SGCD: variants seen among roughly 807,000 people sequenced by gnomAD.
SGCD encodes the protein sarcoglycan delta, also known as delta-sarcoglycan.
Under a neutral mutation model 36.6 loss-of-function variants are expected in SGCD, and 18 were observed. That is an observed-to-expected ratio of 0.49 (90% CI 0.34 to 0.73). The LOEUF is 0.73. SGCD is among the 30% of genes least tolerant of loss of function. SGCD has a pLI of 0.01. For missense variants in SGCD, 387 were observed against 346.7 expected, an observed-to-expected ratio of 1.12 and a Z score of -0.92; for synonymous variants, 133 against 130.6, an observed-to-expected ratio of 1.02 and a Z score of -0.12.
the SGCD span, among the ~76,000 whole-genome samples, chr5:155,740,257 C>T: frequency 2.0e-5 from 3 of 152,096 alleles, no homozygotes; most frequent in African/African-American, 7.2e-5. Context: ...AGCCAGCATG[C>T]CCTGCCTATT....
At chr5:156,289,779 G>T (rs1222467181) in intron 3 of SGCD, among the ~76,000 whole-genome samples, 1 of 151,932 alleles carries the variant, frequency 6.6e-6, no homozygotes, top group African/African-American at 2.4e-5. Context: ...CTAGTCTCCT[G>T]AGTAGCCAGG....
chr5:156,225,202 G>C lies in SGCD; in HGVS notation c.-44+101183G>C, dbSNP rs565376515. ...TTATTCCCTTGGTGTTTCAGAGTTA[G>C]GTGAACTTTAGTATCCAGTACAAGA... is the stretch of plus-strand genomic sequence containing the variant. On this transcript the variant is annotated intron_variant, in intron 3 of 9. Transcript: ENST00000517913. Among the ~76,000 whole-genome samples the C allele has an allele frequency of 2.3e-4, 35 of 152,120 alleles. No individual in the cohort carries two copies. The South Asian group carries it at 3.5e-3, about 15-fold the overall frequency.
chr5:156,504,184 A>G (rs1446861029), intron 3 of SGCD, among the ~76,000 whole-genome samples: 4 of 151,520 alleles, frequency 2.6e-5, no homozygotes, highest in South Asian at 2.1e-4. Flanking sequence ...AGCCTGGGTG[A>G]CAAGAGCAAA....
intron 1 of SGCD, among the ~76,000 whole-genome samples, chr5:155,918,040 C>A (rs1334951385): frequency 1.3e-5 from 2 of 152,130 alleles, no homozygotes; most frequent in Admixed American, 1.3e-4. Flanking sequence ...ATCTGCCATG[C>A]CTCGGGAAAT....
chr5:156,284,928 C>T (rs6879742), intron 3 of SGCD, among the ~76,000 whole-genome samples: 8,249 of 152,168 alleles, frequency 0.054, 675 homozygotes, highest in African/African-American at 0.17. Context: ...AAAACCCCAT[C>T]GTCTCAGCCC....
At chr5:156,175,118 AC>A (rs568714759) in intron 3 of SGCD, among the ~76,000 whole-genome samples, 430 of 152,310 alleles carry the variant, frequency 2.8e-3, no homozygotes, top group African/African-American at 9.7e-3. Flanking sequence ...TTCCAGTAAC[AC>A]CAACTTAATT....
intron 7 of SGCD, among the ~76,000 whole-genome samples, chr5:156,749,603 A>G (rs1170588337): frequency 6.6e-6 from 1 of 152,162 alleles, no homozygotes; most frequent in African/African-American, 2.4e-5. Context: ...TATTTTTAAA[A>G]ATCTTCTTTA....
intron 2 of SGCD, among the ~76,000 whole-genome samples, chr5:156,338,071 G>T (rs150212483): frequency 7.9e-5 from 12 of 152,294 alleles, no homozygotes; most frequent in African/African-American, 2.6e-4. Context: ...CCTTATGGTA[G>T]AGTTGATCAT....
intron 7 of SGCD, among the ~76,000 whole-genome samples, chr5:156,705,608 AATGGAG>A (rs1754708795): frequency 6.6e-6 from 1 of 152,128 alleles, no homozygotes; most frequent in Non-Finnish European, 1.5e-5. Context: ...TTGATCTGCA[AATGGAG>A]AGCCCTTTTG....
chr5:155,869,641 C>A (rs1755592387), upstream of SGCD, among the ~76,000 whole-genome samples: 1 of 106,948 alleles, frequency 9.4e-6, no homozygotes, highest in African/African-American at 5.5e-5. Context: ...CTTCCTTTGG[C>A]AGATTTTTTT....
At chr5:156,006,449 C>A (rs570852475) in intron 1 of SGCD, among the ~76,000 whole-genome samples, 22 of 152,272 alleles carry the variant, frequency 1.4e-4, no homozygotes, top group Admixed American at 1.3e-3. Context: ...AAGCTTGTTA[C>A]AAATGCGTTG....
At chr5:156,070,858 G>A (rs948190384) in intron 1 of SGCD, among the ~76,000 whole-genome samples, 3 of 152,136 alleles carry the variant, frequency 2.0e-5, no homozygotes, top group Admixed American at 6.5e-5. Context: ...GTTTAGTCTT[G>A]GGAGGGTGTA....
chr5:155,939,644 C>CAAA lies in SGCD; in HGVS notation c.-282+69233_-282+69235dup, dbSNP rs70981990. Among the ~76,000 whole-genome samples, 11 of 127,028 alleles carry CAAA rather than the reference C, an allele frequency of 8.7e-5. No individual in the cohort carries two copies. In the South Asian group the frequency reaches 2.0e-3, roughly 23 times the overall value. 83.3% of individuals were successfully genotyped at this position (127,028 alleles called of 152,430 possible). On this transcript the variant is annotated intron_variant, in intron 1 of 9. Coordinates refer to the SGCD transcript ENST00000517913. ...TGGGTGACAGAGAGAGACTCTCTCT[C>CAAA]AAAAAAAAAAAAAAATAATAATAAT...
At chr5:156,342,332 A>G (rs1768703800) in intron 2 of SGCD, among the ~76,000 whole-genome samples, 1 of 152,202 alleles carries the variant, frequency 6.6e-6, no homozygotes, top group African/African-American at 2.4e-5. Context: ...CTTGCCTATG[A>G]CAATTCCAGA....
intron 3 of SGCD, among the ~76,000 whole-genome samples, chr5:156,157,150 C>T (rs78768333): frequency 6.6e-6 from 1 of 151,742 alleles, no homozygotes; most frequent in African/African-American, 2.4e-5. Flanking sequence ...TTAATATCTT[C>T]TCTGGCCATG....
chr5:156,511,765 CCACTGTATTCCT>C (rs544264627), intron 4 of SGCD, among the ~76,000 whole-genome samples: 11 of 152,260 alleles, frequency 7.2e-5, no homozygotes, highest in African/African-American at 2.6e-4. Flanking sequence ...TGGATTTTCC[CCACTGTATTCCT>C]CAGACCTCTT....
At chr5:156,376,688 G>C (rs1421673113) in intron 3 of SGCD, among the ~76,000 whole-genome samples, 1 of 152,034 alleles carries the variant, frequency 6.6e-6, no homozygotes, top group Admixed American at 6.6e-5. Flanking sequence ...GTATCTTTGT[G>C]TTTTTCAAAA....
intron 6 of SGCD, among the ~76,000 whole-genome samples, chr5:156,606,401 C>G (rs185092847): frequency 0.019 from 2,816 of 152,154 alleles, 37 homozygotes; most frequent in South Asian, 0.03. Flanking sequence ...TTCCATTGGT[C>G]TATATCTCTG....
At chr5:155,829,640 T>C in the SGCD span, among the ~76,000 whole-genome samples, 2 of 152,330 alleles carry the variant, frequency 1.3e-5, no homozygotes, top group South Asian at 4.1e-4. Context: ...AGATAACTCA[T>C]AGCCTGTTTG....
Sources: gnomAD v4.1 joint callset for allele counts (sites outside exome capture counted in the v4.1 genomes callset) on GRCh38, gnomAD v4.1.1 for gene constraint, MANE v1.5 for transcripts, NCBI Gene and HGNC (gene_info 2026-07-23, HGNC 2026-07-21) for gene names.